Variants in SDK1 observed in about 807,000 individuals in gnomAD.
The protein encoded by SDK1 is protein sidekick-1.
SDK1 carries 157 observed loss-of-function variants against 245.5 expected under a neutral mutation model. That is an observed-to-expected ratio of 0.64 (90% confidence interval 0.56 to 0.73). SDK1 has a LOEUF of 0.73. SDK1 is among the 30% of genes least tolerant of loss of function. SDK1 has a pLI of 0.00. For missense variants in SDK1, 3,583 were observed against 3,002.3 expected (o/e 1.19, Z -4.52); for synonymous variants, 1,647 against 1,278.5 (o/e 1.29, Z -6.15).
chr7:3,730,107 G>T (rs1035128171), intron 4 of SDK1, among the ~76,000 whole-genome samples: 2 of 152,078 alleles, frequency 1.3e-5, no homozygotes, highest in Non-Finnish European at 2.9e-5. Flanking sequence ...TGTCCTCATA[G>T]AGAAAACAGC....
Position 4,268,101 on chromosome 7 carries a change from G to A in SDK1, c.*2717G>A. 1.0e-6 allele frequency: 1 copy of A among 985,610 alleles called. No individual in the cohort carries two copies. Among genetic ancestry groups the A allele is most frequent in the Non-Finnish European group, 1.2e-6 (1 of 830,038 alleles). 61.1% of individuals were successfully genotyped at this position (985,610 alleles called of 1,614,324 possible). On this transcript the variant is annotated 3_prime_UTR_variant, in exon 45 of 45. Transcript: ENST00000404826. ...CTCTAAGCCAGGCTAGATGGAATGTGCTCCCGCTCTCTCCTGCCGTGCTGA... is the reference window on the plus strand; with the variant it reads ...CTCTAAGCCAGGCTAGATGGAATGTACTCCCGCTCTCTCCTGCCGTGCTGA...
intron 5 of SDK1, among the ~76,000 whole-genome samples, chr7:3,906,591 C>G (rs1172062287): frequency 2.0e-5 from 3 of 147,428 alleles, no homozygotes; most frequent in Non-Finnish European, 4.5e-5. Context: ...AAGGAGCCCT[C>G]CAAGACACAG....
intron 4 of SDK1, among the ~76,000 whole-genome samples, chr7:3,792,734 A>G (rs1001053272): frequency 2.0e-5 from 3 of 150,616 alleles, no homozygotes; most frequent in South Asian, 2.1e-4. Context: ...CTGTCCATCC[A>G]TCCGTCCAAC....
intron 5 of SDK1, among the ~76,000 whole-genome samples, chr7:3,830,788 C>T (rs1178798777): frequency 6.6e-6 from 1 of 152,146 alleles, no homozygotes; most frequent in African/African-American, 2.4e-5. Context: ...TGAGCCACTG[C>T]ACCTGGCCTA....
intron 28 of SDK1, among the ~76,000 whole-genome samples, chr7:4,135,357 C>T (rs1368072739): frequency 6.6e-6 from 1 of 152,196 alleles, no homozygotes; most frequent in Non-Finnish European, 1.5e-5. Flanking sequence ...AAGGTGAGCG[C>T]ATTCACACTG....
At chr7:3,894,537 A>T (rs534580058) in intron 5 of SDK1, among the ~76,000 whole-genome samples, 219 of 140,620 alleles carry the variant, frequency 1.6e-3, no homozygotes, top group African/African-American at 5.9e-3. Context: ...CACTGAAAGG[A>T]ACCCTGAGCC....
chr7:3,724,114 C>T (rs1027953098), intron 4 of SDK1, among the ~76,000 whole-genome samples: 2 of 151,914 alleles, frequency 1.3e-5, no homozygotes, highest in African/African-American at 2.4e-5. Flanking sequence ...CAGGCGTGTG[C>T]CACCATGCTC....
chr7:3,688,908 C>T (rs1475045112), intron 4 of SDK1, among the ~76,000 whole-genome samples: 1 of 152,166 alleles, frequency 6.6e-6, no homozygotes, highest in Non-Finnish European at 1.5e-5. Flanking sequence ...TGAGCTCCCT[C>T]CCACCTCCCC....
At chr7:3,517,065 A>G (rs1782778353) in intron 1 of SDK1, among the ~76,000 whole-genome samples, 1 of 152,160 alleles carries the variant, frequency 6.6e-6, no homozygotes, top group South Asian at 2.1e-4. Flanking sequence ...TGTAGTCTGT[A>G]TTTTATACAT....
chr7:3,870,097 G>A (rs1780920162), intron 5 of SDK1, among the ~76,000 whole-genome samples: 1 of 152,142 alleles, frequency 6.6e-6, no homozygotes, highest in East Asian at 1.9e-4. Flanking sequence ...ATTTAAAAAT[G>A]CATCATTCTT....
chr7:3,725,367 G>C (rs994296178), intron 4 of SDK1, among the ~76,000 whole-genome samples: 1 of 152,174 alleles, frequency 6.6e-6, no homozygotes, highest in African/African-American at 2.4e-5. Flanking sequence ...TGAAAAGGAG[G>C]AGGGACTTGG....
In SDK1 at chr7:3,353,995, C is replaced by CT. The variant is rs533694234; in HGVS notation, c.298+52126dup. ...CCACATTTCAGACCATTTTTCTTTT[C>CT]TTTTTTTTTTTTTTTGGGACAGACT... On this transcript the variant is annotated intron_variant, in intron 1 of 44. Coordinates refer to ENST00000404826, the MANE Select transcript of SDK1 (RefSeq NM_152744.4). Among the ~76,000 whole-genome samples the CT allele has an allele frequency of 3.2e-3, 439 of 138,994 alleles. 2 individuals carry two copies. The highest frequency in any genetic ancestry group is 0.015 in the Middle Eastern group (4 of 262). 91.2% of individuals were successfully genotyped at this position (138,994 alleles called of 152,430 possible).
At chr7:3,445,262 G>T (rs576424260) in intron 1 of SDK1, among the ~76,000 whole-genome samples, 1 of 151,962 alleles carries the variant, frequency 6.6e-6, no homozygotes, top group Non-Finnish European at 1.5e-5. Flanking sequence ...TATGCATTTG[G>T]GTATAATCTT....
chr7:3,673,967 A>T (rs1489505336), intron 4 of SDK1, among the ~76,000 whole-genome samples: 1 of 152,162 alleles, frequency 6.6e-6, no homozygotes, highest in African/African-American at 2.4e-5. Flanking sequence ...ATAAGAGATA[A>T]TTTCTAATAA....
At chr7:3,821,846 T>C (rs1779654419) in intron 5 of SDK1, among the ~76,000 whole-genome samples, 3 of 152,202 alleles carry the variant, frequency 2.0e-5, no homozygotes, top group African/African-American at 7.2e-5. Flanking sequence ...TATTTGCTTT[T>C]TATACACAGT....
At chr7:3,972,034 A>C (rs867389666) in intron 12 of SDK1, among the ~76,000 whole-genome samples, 1 of 151,188 alleles carries the variant, frequency 6.6e-6, no homozygotes, top group African/African-American at 2.4e-5. Flanking sequence ...CCAGTGCACT[A>C]ATAGGAAGGT....
chr7:3,617,498 AG>A (rs1239331867), intron 1 of SDK1, among the ~76,000 whole-genome samples: 1 of 152,216 alleles, frequency 6.6e-6, no homozygotes, highest in Non-Finnish European at 1.5e-5. Flanking sequence ...AAGGCCCCAC[AG>A]TAGGTGTCTC....
At chr7:4,013,681 G>T (rs984428643) in intron 16 of SDK1, among the ~76,000 whole-genome samples, 1 of 152,164 alleles carries the variant, frequency 6.6e-6, no homozygotes, top group Non-Finnish European at 1.5e-5. Flanking sequence ...CCAATTTGCC[G>T]CTGTTTACAA....
intron 1 of SDK1, among the ~76,000 whole-genome samples, chr7:3,571,857 C>T (rs1020488738): frequency 1.3e-5 from 2 of 152,036 alleles, no homozygotes; most frequent in Admixed American, 1.3e-4. Context: ...AATCTGCTAT[C>T]TGTATTTTAA....
Sources: allele counts gnomAD v4.1 joint callset (sites outside exome capture counted in the v4.1 genomes callset), GRCh38; gene constraint gnomAD v4.1.1; transcripts MANE v1.5; gene names NCBI Gene and HGNC (gene_info 2026-07-23, HGNC 2026-07-21).